NAALADL2: variants seen among roughly 807,000 people sequenced by gnomAD.
NAALADL2 encodes N-acetylated alpha-linked acidic dipeptidase like 2, also known as inactive N-acetylated-alpha-linked acidic dipeptidase-like protein 2.
In NAALADL2, 76 loss-of-function variants were observed where a neutral mutation model predicts 87.2. The ratio of observed to expected loss-of-function variants is 0.87; its 90% CI spans 0.72 to 1.05. The LOEUF (loss-of-function observed/expected upper bound fraction) is 1.05, where lower values mean the gene tolerates loss of function less well. NAALADL2 is among the 50% of genes least tolerant of loss of function. NAALADL2 has a pLI of 0.00. For missense variants in NAALADL2, 1,089 were observed against 945.8 expected (o/e 1.15, Z -1.99); for synonymous variants, 354 against 331.0 (o/e 1.07, Z -0.75).
rs879007107 is a variant in NAALADL2 at position 174,859,428 on chromosome 3, T to C, written c.21T>C (p.Ser7=). The C allele has an allele frequency of 1.9e-6, 3 of 1,610,864 alleles. No homozygotes were observed. The South Asian group carries it at 3.3e-5, about 18-fold the overall frequency. MGENEA[S]LPNTSLQGKK... ...ATAAAATGGGAGAGAATGAAGCAAGTTTACCTAACACGTCTTTGCAAGGTA... is the reference window on the plus strand; with the variant it reads ...ATAAAATGGGAGAGAATGAAGCAAGCTTACCTAACACGTCTTTGCAAGGTA... Residue 7 remains serine (S), a synonymous_variant, in exon 1 of 14, where the codon AGT becomes AGC. Transcript: ENST00000454872.
intron 2 of NAALADL2, among the ~76,000 whole-genome samples, chr3:175,172,372 T>A (rs9871190): frequency 6.6e-6 from 1 of 152,000 alleles, no homozygotes; most frequent in African/African-American, 2.4e-5. Flanking sequence ...TCAATAATAG[T>A]AAAAGGTAAT....
intron 1 of NAALADL2, among the ~76,000 whole-genome samples, chr3:174,977,948 G>A (rs1744579326): frequency 6.6e-6 from 1 of 152,162 alleles, no homozygotes; most frequent in African/African-American, 2.4e-5. Flanking sequence ...TGTTCAAAAT[G>A]TTAGATTTCT....
intron 2 of NAALADL2, among the ~76,000 whole-genome samples, chr3:174,582,393 C>T (rs74638268): frequency 8.5e-5 from 13 of 152,150 alleles, no homozygotes; most frequent in East Asian, 7.7e-4. Context: ...ACTGTATTAC[C>T]GGAAAGTGAA....
chr3:175,672,236 C>A (rs531449272), intron 11 of NAALADL2, among the ~76,000 whole-genome samples: 1 of 152,236 alleles, frequency 6.6e-6, no homozygotes, highest in African/African-American at 2.4e-5. Flanking sequence ...GCCAGAAGCA[C>A]ATTTCCATCT....
At chr3:175,628,432 A>G (rs1470875137) in intron 11 of NAALADL2, among the ~76,000 whole-genome samples, 2 of 151,534 alleles carry the variant, frequency 1.3e-5, no homozygotes, top group Non-Finnish European at 3.0e-5. Flanking sequence ...TGAGTTAATT[A>G]CATAAAGAAA....
intron 3 of NAALADL2, among the ~76,000 whole-genome samples, chr3:174,798,792 CATTT>C (rs1474992298): frequency 1.3e-5 from 2 of 151,800 alleles, no homozygotes; most frequent in African/African-American, 2.4e-5. Flanking sequence ...TTGCTGAATT[CATTT>C]ATTTATTAGT....
chr3:175,357,187 A>G (rs1764476256), intron 5 of NAALADL2, among the ~76,000 whole-genome samples: 1 of 152,068 alleles, frequency 6.6e-6, no homozygotes, highest in African/African-American at 2.4e-5. Flanking sequence ...CATGGGATCC[A>G]TTTTCTTCTT....
At chr3:174,617,790 G>A (rs1391976722) in intron 2 of NAALADL2, among the ~76,000 whole-genome samples, 1 of 151,698 alleles carries the variant, frequency 6.6e-6, no homozygotes, top group African/African-American at 2.4e-5. Flanking sequence ...TTATAAACTG[G>A]GTGGGGAATG....
chr3:175,218,056 T>G (rs1238184956), intron 2 of NAALADL2: 4 of 424,982 alleles, frequency 9.4e-6, no homozygotes, highest in African/African-American at 2.1e-5. Flanking sequence ...TTCAATGTTT[T>G]TTTTTGGCTA....
intron 11 of NAALADL2, among the ~76,000 whole-genome samples, chr3:175,702,749 T>C (rs1739159800): frequency 6.6e-6 from 1 of 152,162 alleles, no homozygotes; most frequent in Non-Finnish European, 1.5e-5. Flanking sequence ...AACATCTTCA[T>C]TTCTGTCTAT....
chr3:174,632,765 T>C (rs1722240023), intron 2 of NAALADL2, among the ~76,000 whole-genome samples: 1 of 151,714 alleles, frequency 6.6e-6, no homozygotes, highest in Non-Finnish European at 1.5e-5. Flanking sequence ...TAAAACCCCA[T>C]CTCTACTAAA....
chr3:175,075,710 AG>A (rs1339931939), intron 1 of NAALADL2, among the ~76,000 whole-genome samples: 4 of 152,174 alleles, frequency 2.6e-5, no homozygotes, highest in Non-Finnish European at 5.9e-5. Flanking sequence ...TTGAAACCTG[AG>A]GGACGAAAGT....
At position 174,868,131 on chromosome 3, in the gene NAALADL2, A is replaced by G. The variant is rs183517897; in HGVS notation, c.43+8681A>G. Among the ~76,000 whole-genome samples, 9 of 152,248 alleles carry G rather than the reference A, an allele frequency of 5.9e-5. No individual in the cohort carries two copies. In the East Asian group the frequency reaches 1.2e-3, roughly 20 times the overall value. ...CTGTGCATCTAATGTAACTGCATCTAGATACATTGTGAGGGGTAAATAGGT... is the reference window on the plus strand; with the variant it reads ...CTGTGCATCTAATGTAACTGCATCTGGATACATTGTGAGGGGTAAATAGGT... On this transcript the variant is annotated intron_variant, in intron 1 of 13. Coordinates refer to ENST00000454872, the MANE Select transcript of NAALADL2 (RefSeq NM_207015.3).
chr3:174,635,612 C>T (rs1286634607), intron 2 of NAALADL2, among the ~76,000 whole-genome samples: 2 of 151,624 alleles, frequency 1.3e-5, no homozygotes, highest in African/African-American at 2.4e-5. Flanking sequence ...CAGCAATTCT[C>T]CTGCCTCAGC....
At chr3:175,406,725 T>G (rs1264610305) in intron 5 of NAALADL2, among the ~76,000 whole-genome samples, 1 of 152,142 alleles carries the variant, frequency 6.6e-6, no homozygotes, top group African/African-American at 2.4e-5. Context: ...TGTGCCTCTT[T>G]GTCTTTTATT....
intron 1 of NAALADL2, chr3:174,536,774 G>A (rs1041363718): frequency 6.6e-6 from 1 of 152,092 alleles, no homozygotes; most frequent in Admixed American, 6.5e-5. Flanking sequence ...TGTAACTGCT[G>A]TTTTTGTAAA....
chr3:175,003,876 C>A (rs1185359765), intron 1 of NAALADL2, among the ~76,000 whole-genome samples: 1 of 152,136 alleles, frequency 6.6e-6, no homozygotes, highest in Non-Finnish European at 1.5e-5. Flanking sequence ...CACAACAGAA[C>A]AAGCCATCTG....
At chr3:174,742,643 A>G (rs886355068) in intron 3 of NAALADL2, among the ~76,000 whole-genome samples, 1 of 151,722 alleles carries the variant, frequency 6.6e-6, no homozygotes, top group Non-Finnish European at 1.5e-5. Context: ...ACAAAATTAC[A>G]CTAGGATATT....
chr3:174,492,169 C>T (rs1160461379), intron 1 of NAALADL2, among the ~76,000 whole-genome samples: 1 of 151,678 alleles, frequency 6.6e-6, no homozygotes, highest in Non-Finnish European at 1.5e-5. Context: ...GCTTGGGAGG[C>T]TGAGGCAGGA....
Sources: gnomAD v4.1 joint callset for allele counts (sites outside exome capture counted in the v4.1 genomes callset) on GRCh38, gnomAD v4.1.1 for gene constraint, MANE v1.5 for transcripts, NCBI Gene and HGNC (gene_info 2026-07-23, HGNC 2026-07-21) for gene names.